The following EDNRB variants were observed in gnomAD, a reference collection of about 807,000 sequenced individuals.
The protein encoded by EDNRB is Hirschsprung disease 2.
A neutral mutation model predicts 46.4 loss-of-function variants in EDNRB; 18 were observed. The observed-to-expected ratio is 0.39, with a 90% CI of 0.27 to 0.57. EDNRB has a LOEUF of 0.57. Among genes scored for constraint, EDNRB ranks in the 20% least tolerant of loss-of-function variants. EDNRB has a pLI of 0.61. For synonymous variants in EDNRB, 213 were observed against 204.9 expected (o/e 1.04, Z -0.34); for missense variants, 434 against 537.5 (o/e 0.81, Z 1.90).
At chr13:77,945,021 C>T (rs1485462897) in intron 1 of EDNRB, 2 of 152,070 alleles carry the variant, frequency 1.3e-5, no homozygotes, top group African/African-American at 2.4e-5. Context: ...GGGGGTGTAG[C>T]TGTTGAATGA....
chr13:77,960,861 A>G (rs1427344908), intron 1 of EDNRB, among the ~76,000 whole-genome samples: 5 of 6,876 alleles, frequency 7.3e-4, no homozygotes, highest in East Asian at 0.026. Flanking sequence ...AAGCAAATGG[A>G]AAAAAAAAAA....
At chr13:77,907,206 T>C (rs1467114759) in intron 1 of EDNRB, among the ~76,000 whole-genome samples, 6 of 152,100 alleles carry the variant, frequency 3.9e-5, no homozygotes, top group Admixed American at 3.3e-4. Context: ...AAGAAATTAG[T>C]ATATGAATTT....
At chr13:77,952,294 A>G (rs1881115147) in intron 1 of EDNRB, among the ~76,000 whole-genome samples, 1 of 152,146 alleles carries the variant, frequency 6.6e-6, no homozygotes, top group African/African-American at 2.4e-5. Context: ...TTTGTGATAA[A>G]GGATTAAGTT....
rs201850106 is a variant in EDNRB at position 77,896,345 on chromosome 13, G to A, written c.*1855C>T. The A allele has an allele frequency of 2.6e-5, 33 of 1,272,224 alleles. No individual in the cohort carries two copies. Among genetic ancestry groups the A allele is most frequent in the Non-Finnish European group, 3.4e-5 (33 of 960,416 alleles). The allele number at this position is 1,272,224 out of a possible 1,614,324, so 78.8% of individuals were successfully genotyped here. A position where few individuals can be genotyped will look rare whatever the true frequency, so the allele number is the denominator to read the frequency against. ...TAATTTAAAATTGAGAGTCTAAAAT[G>A]ACTTCTATGATAACAGGCCTCTGAA... On this transcript the variant is annotated 3_prime_UTR_variant, in exon 7 of 7. Transcript: ENST00000646607.
intron 1 of EDNRB, among the ~76,000 whole-genome samples, chr13:77,917,039 C>A (rs989657766): frequency 3.3e-5 from 5 of 152,104 alleles, no homozygotes; most frequent in African/African-American, 1.2e-4. Context: ...CTGGAGCAAC[C>A]TGGCTCTTTG....
At chr13:77,949,840 T>C (rs1485815186) in intron 1 of EDNRB, among the ~76,000 whole-genome samples, 1 of 152,136 alleles carries the variant, frequency 6.6e-6, no homozygotes, top group Non-Finnish European at 1.5e-5. Context: ...ATTTTCCTCT[T>C]TGCCCTGAGA....
At chr13:77,962,262 C>G (rs1881443591) in intron 1 of EDNRB, among the ~76,000 whole-genome samples, 2 of 152,116 alleles carry the variant, frequency 1.3e-5, no homozygotes, top group African/African-American at 4.8e-5. Flanking sequence ...AAGACGGAAT[C>G]CCCCCTAACT....
intron 1 of EDNRB, among the ~76,000 whole-genome samples, chr13:77,907,983 C>G (rs1223141371): frequency 9.0e-6 from 1 of 110,606 alleles, no homozygotes; most frequent in Non-Finnish European, 1.7e-5. Flanking sequence ...GGAGAGATTA[C>G]AGTTTTCTAG....
At chr13:77,916,303 G>T (rs888825041) in intron 1 of EDNRB, among the ~76,000 whole-genome samples, 3 of 152,208 alleles carry the variant, frequency 2.0e-5, no homozygotes, top group Non-Finnish European at 4.4e-5. Context: ...CGGTTTTGAT[G>T]AATTGAATTG....
intron 1 of EDNRB, among the ~76,000 whole-genome samples, chr13:77,965,978 GC>G (rs1566341517): frequency 6.6e-6 from 1 of 152,132 alleles, no homozygotes; most frequent in Non-Finnish European, 1.5e-5. Context: ...TTGGTCTCAA[GC>G]AATCCTTCCA....
intron 1 of EDNRB, among the ~76,000 whole-genome samples, chr13:77,962,998 C>A (rs994424895): frequency 2.0e-5 from 3 of 152,248 alleles, no homozygotes; most frequent in African/African-American, 7.2e-5. Context: ...AGAGCCAAAT[C>A]ATGAGTGAAC....
At chr13:77,932,898 A>T (rs75482497) in intron 1 of EDNRB, among the ~76,000 whole-genome samples, 2,973 of 152,284 alleles carry the variant, frequency 0.02, 166 homozygotes, top group South Asian at 0.13. Flanking sequence ...CAGGAAGCAT[A>T]ATGACTTTTG....
intron 1 of EDNRB, among the ~76,000 whole-genome samples, chr13:77,952,258 G>T (rs1013138271): frequency 1.3e-5 from 2 of 152,154 alleles, no homozygotes; most frequent in African/African-American, 4.8e-5. Context: ...TTATATATGT[G>T]GGGGAGATGT....
At chr13:77,909,986 C>G (rs1202586443) in intron 1 of EDNRB, among the ~76,000 whole-genome samples, 1 of 151,876 alleles carries the variant, frequency 6.6e-6, no homozygotes, top group Non-Finnish European at 1.5e-5. Context: ...AAGGTAACGA[C>G]AAAAATTCCT....
At chr13:77,964,369 G>A (rs1881517882) in intron 1 of EDNRB, among the ~76,000 whole-genome samples, 1 of 152,116 alleles carries the variant, frequency 6.6e-6, no homozygotes, top group Non-Finnish European at 1.5e-5. Flanking sequence ...CAAACACTTG[G>A]AACCAACCCA....
intron 1 of EDNRB, among the ~76,000 whole-genome samples, chr13:77,961,516 A>T (rs939139079): frequency 6.6e-6 from 1 of 152,000 alleles, no homozygotes; most frequent in Non-Finnish European, 1.5e-5. Flanking sequence ...TGAACAACCC[A>T]CTCCTGAATG....
At chr13:77,904,192 A>G (rs2137613585) in intron 1 of EDNRB, among the ~76,000 whole-genome samples, 1 of 151,806 alleles carries the variant, frequency 6.6e-6, no homozygotes, top group Non-Finnish European at 1.5e-5. Flanking sequence ...TCCTTATCCT[A>G]GAAGGCTCTT....
chr13:77,942,627 C>A (rs1418196279), intron 1 of EDNRB, among the ~76,000 whole-genome samples: 1 of 152,040 alleles, frequency 6.6e-6, no homozygotes, highest in Non-Finnish European at 1.5e-5. Flanking sequence ...GGCCAATTGG[C>A]AATATGCAAA....
upstream of EDNRB, chr13:77,918,896 C>G (rs12720159): frequency 0.013 from 15,664 of 1,241,080 alleles, 166 homozygotes; most frequent in East Asian, 0.017. This position sits in a 1 kb window ranked among gnomAD's most constrained non-coding sequence, Gnocchi z 4.5. Context: ...AGGGGTGTGC[C>G]AGGGAGGGAA....
Sources: gnomAD v4.1 joint callset for allele counts (sites outside exome capture counted in the v4.1 genomes callset) on GRCh38, gnomAD v4.1.1 for gene constraint, Gnocchi (gnomAD v3.1) non-coding constraint, MANE v1.5 for transcripts, NCBI Gene and HGNC (gene_info 2026-07-23, HGNC 2026-07-21) for gene names.